The following DNAJC11 variants were observed in gnomAD, a reference collection of about 807,000 sequenced individuals.
The protein encoded by DNAJC11 is DnaJ heat shock protein family (Hsp40) member C11.
Under a neutral mutation model 78.6 loss-of-function variants are expected in DNAJC11, and 15 were observed. That is an observed-to-expected ratio of 0.19 (90% confidence interval 0.13 to 0.29). The LOEUF (loss-of-function observed/expected upper bound fraction) is 0.29, where lower values mean the gene tolerates loss of function less well. DNAJC11 is among the 10% of genes least tolerant of loss of function. The pLI, the probability that DNAJC11 is intolerant of heterozygous loss-of-function variation, is 1.00. For missense variants in DNAJC11, 547 were observed against 709.6 expected (o/e 0.77, Z 2.60); for synonymous variants, 292 against 272.1 (o/e 1.07, Z -0.72).
Position 6,635,462 on chromosome 1 carries a change from T to G in DNAJC11, c.*213A>C, listed in dbSNP as rs2148725008. ...AAAACAGCCATGGGCCAGGCTGCAGTCTGGTTCCCAGTGGGGCTGCCTCAG... is the reference window on the plus strand; with the variant it reads ...AAAACAGCCATGGGCCAGGCTGCAGGCTGGTTCCCAGTGGGGCTGCCTCAG... On this transcript the variant is annotated 3_prime_UTR_variant, in exon 16 of 16. Transcript: ENST00000377577. The G allele has an allele frequency of 1.8e-6, 1 of 554,112 alleles. No homozygotes were observed. The highest frequency in any genetic ancestry group is 3.2e-6 in the Non-Finnish European group (1 of 312,608). 34.3% of individuals were successfully genotyped at this position (554,112 alleles called of 1,614,324 possible). A position where few individuals can be genotyped will look rare whatever the true frequency, so the allele number is the denominator to read the frequency against.
chr1:6,693,547 C>T (rs1642784681), intron 1 of DNAJC11, among the ~76,000 whole-genome samples: 1 of 151,878 alleles, frequency 6.6e-6, no homozygotes, highest in Non-Finnish European at 1.5e-5. Flanking sequence ...CCACACCCAG[C>T]TAGTTTTTGT....
chr1:6,662,826 C>T (rs1287508060), intron 4 of DNAJC11, among the ~76,000 whole-genome samples: 2 of 32,444 alleles, frequency 6.2e-5, no homozygotes, highest in Non-Finnish European at 1.5e-4. Context: ...AAGCTGGCCA[C>T]CCCAGCCAGC....
chr1:6,657,381 G>A (rs1470511645), intron 4 of DNAJC11, among the ~76,000 whole-genome samples: 1 of 152,180 alleles, frequency 6.6e-6, no homozygotes, highest in Non-Finnish European at 1.5e-5. Context: ...TGTGAGACAT[G>A]AATGCAGAAG....
chr1:6,667,837 C>T (rs747320432), intron 3 of DNAJC11, 27 bp from the exon 4 acceptor site: 3 of 1,601,166 alleles, frequency 1.9e-6, no homozygotes, highest in East Asian at 2.2e-5. Context: ...GATGGGAAGA[C>T]AGTTGAGGAC....
rs374605581 is a variant in DNAJC11, at chr1:6,645,069, C to T, written c.952G>A (p.Asp318Asn). Residue 318 changes from aspartate to asparagine, a missense_variant, in exon 9 of 16, where the codon GAT becomes AAT. Physicochemically the swap from Asp to Asn is conservative, Grantham distance 23 (BLOSUM62 1). Transcript: ENST00000377577. This position sits in a 1 kb window ranked among gnomAD's most constrained non-coding sequence, Gnocchi z 4.1. The stretch of plus-strand genomic sequence containing the variant: ...AGGGATCCTTTCACACGAGTCTGAT[C>T]GTCATCTTGGAATTTGTGCTGATAG... ...ISYQHKFQDD[D>N]QTRVKGSLKA... The T allele has an allele frequency of 1.5e-5, 25 of 1,613,894 alleles. No homozygotes were observed. The highest frequency in any genetic ancestry group is 4.0e-5 in the African/African-American group (3 of 74,930).
chr1:6,684,379 G>A (rs72636159), intron 1 of DNAJC11, among the ~76,000 whole-genome samples: 7,444 of 152,342 alleles, frequency 0.049, 250 homozygotes, highest in Non-Finnish European at 0.072. Flanking sequence ...ACTGCACCCA[G>A]TCACAAATCA....
chr1:6,639,328 C>CTT (rs869051941), intron 11 of DNAJC11, among the ~76,000 whole-genome samples: 21 of 136,808 alleles, frequency 1.5e-4, no homozygotes, highest in Admixed American at 2.2e-4. Context: ...AGGATCAACA[C>CTT]TTTTTTTTTT....
intron 10 of DNAJC11, among the ~76,000 whole-genome samples, chr1:6,643,442 A>AT (rs761746097): frequency 6.6e-5 from 10 of 151,648 alleles, no homozygotes; most frequent in Non-Finnish European, 1.3e-4. Flanking sequence ...CGCCCGGTTA[A>AT]TTTTTTGTAT....
At chr1:6,646,885 T>C (rs977319172) in intron 7 of DNAJC11, among the ~76,000 whole-genome samples, 8 of 152,086 alleles carry the variant, frequency 5.3e-5, no homozygotes, top group South Asian at 2.1e-4. Context: ...GGCAGGCTCA[T>C]TGGCTCACAC....
chr1:6,638,372 G>C lies in DNAJC11; in HGVS notation c.1254-8C>G. ...CTCTGCTTCTCCAATTCCCTTACGC[G>C]AGAGGAACACAAGCCCCACGTTAGC... On this transcript the variant is annotated splice_polypyrimidine_tract_variant and splice_region_variant and intron_variant, in intron 11 of 15. Coordinates refer to ENST00000377577, the MANE Select transcript of DNAJC11 (RefSeq NM_018198.4). 1.2e-6 allele frequency: 2 copies of C among 1,612,552 alleles called. No individual in the cohort carries two copies. The highest frequency in any genetic ancestry group is 1.7e-6 in the Non-Finnish European group (2 of 1,179,274).
intron 4 of DNAJC11, among the ~76,000 whole-genome samples, chr1:6,661,508 C>T (rs1267995848): frequency 7.0e-6 from 1 of 142,638 alleles, no homozygotes; most frequent in African/African-American, 2.7e-5. Flanking sequence ...TGCCTTCTAT[C>T]CCGATTGCCA....
chr1:6,638,465 G>T, intron 11 of DNAJC11, 101 bp from the exon 12 acceptor site: 2 of 1,094,372 alleles, frequency 1.8e-6, no homozygotes, highest in Non-Finnish European at 2.6e-6. Flanking sequence ...CAAACAGTCT[G>T]TGATCTTACT....
rs566176860 is a variant in DNAJC11, at chr1:6,634,493, C to T, written c.*1182G>A. On this transcript the variant is annotated 3_prime_UTR_variant, in exon 16 of 16. Coordinates refer to ENST00000377577, the MANE Select transcript of DNAJC11 (RefSeq NM_018198.4). The stretch of plus-strand genomic sequence containing the variant: ...CAACAGCTGTGGGTGGGCTGGAGGC[C>T]GGCGCAGCTTGGGGCCCCCCGCGCC... 29 of 1,338,700 alleles carry T rather than the reference C, an allele frequency of 2.2e-5. No individual in the cohort carries two copies. The highest frequency in any genetic ancestry group is 1.6e-4 in the African/African-American group (11 of 67,450). 82.9% of individuals were successfully genotyped at this position (1,338,700 alleles called of 1,614,324 possible).
Position 6,634,211 on chromosome 1 carries a change from A to AGTCG in DNAJC11, c.*1460_*1463dup. The AGTCG allele has an allele frequency of 3.1e-6, 3 of 975,926 alleles. No individual in the cohort carries two copies. In the South Asian group the frequency reaches 4.6e-5, roughly 15 times the overall value. The allele number at this position is 975,926 out of a possible 1,614,324, so 60.5% of individuals were successfully genotyped here. On this transcript the variant is annotated 3_prime_UTR_variant, in exon 16 of 16. Transcript: ENST00000377577. The stretch of plus-strand genomic sequence containing the variant: ...TTATTGTGGTGAGTGCCTTCTGTAC[A>AGTCG]GTCGACTGCAAATGAAACGCAGAGG...
chr1:6,678,440 A>G lies in DNAJC11; in HGVS notation c.230T>C (p.Ile77Thr). The stretch of plus-strand genomic sequence containing the variant: ...TCCTCTCTTCCCATATATATCATAG[A>G]TGGCCCTGGTTTGGGGGTCACTAAG... The part of the protein sequence containing the change: ...EVLSDPQTRA[I>T]YDIYGKRGLE... Residue 77 changes from isoleucine to threonine, a missense_variant, in exon 3 of 16, where the codon ATC (isoleucine) becomes ACC (threonine). Coordinates refer to ENST00000377577, the MANE Select transcript of DNAJC11 (RefSeq NM_018198.4). 2 of 1,613,962 alleles carry G rather than the reference A, an allele frequency of 1.2e-6. No homozygotes were observed. Among genetic ancestry groups the G allele is most frequent in the African/African-American group, 2.7e-5 (2 of 74,990 alleles).
At chr1:6,651,183 G>A in intron 7 of DNAJC11, 1 of 560,686 alleles carries the variant, frequency 1.8e-6, no homozygotes, top group Non-Finnish European at 3.6e-6. Flanking sequence ...GTCATTCTCT[G>A]GGACAATGGA....
At chr1:6,681,229 A>G (rs1367895319) in intron 1 of DNAJC11, among the ~76,000 whole-genome samples, 192 bp from the exon 2 acceptor site, 1 of 152,212 alleles carries the variant, frequency 6.6e-6, no homozygotes, top group East Asian at 1.9e-4. Flanking sequence ...GATCAATTAC[A>G]TACATCAATA....
intron 1 of DNAJC11, among the ~76,000 whole-genome samples, chr1:6,682,064 C>T (rs1003139361): frequency 3.4e-5 from 5 of 145,410 alleles, no homozygotes; most frequent in Non-Finnish European, 5.9e-5. Context: ...TCCCAGGAGG[C>T]GATGTGAGGA....
intron 1 of DNAJC11, among the ~76,000 whole-genome samples, chr1:6,693,625 A>C (rs900405276): frequency 1.1e-4 from 16 of 150,460 alleles, no homozygotes; most frequent in African/African-American, 3.9e-4. Flanking sequence ...CTCGTGATTC[A>C]CCCGCCTCAG....
Sources: allele counts gnomAD v4.1 joint callset (sites outside exome capture counted in the v4.1 genomes callset), GRCh38; gene constraint gnomAD v4.1.1; non-coding constraint Gnocchi (gnomAD v3.1); transcripts MANE v1.5; gene names NCBI Gene and HGNC (gene_info 2026-07-23, HGNC 2026-07-21).